The following C2CD5 variants were observed in gnomAD, a reference collection of about 807,000 sequenced individuals.
C2CD5 encodes C2 calcium dependent domain containing 5.
In C2CD5, 109 loss-of-function variants were observed where a neutral mutation model predicts 130.3. That is an observed-to-expected ratio of 0.84 (90% CI 0.72 to 0.98). C2CD5 has a LOEUF of 0.98. C2CD5 is among the 50% of genes least tolerant of loss of function. The pLI is 0.00. For synonymous variants in C2CD5, 454 were observed against 429.2 expected, an observed-to-expected ratio of 1.06 and a Z score of -0.71; for missense variants, 996 against 1,261.8, an observed-to-expected ratio of 0.79 and a Z score of 3.19.
chr12:22,484,123 T>G (rs1254033108), intron 13 of C2CD5, among the ~76,000 whole-genome samples: 1 of 152,066 alleles, frequency 6.6e-6, no homozygotes. Flanking sequence ...ACATAGAAGG[T>G]GTAGCATCAT....
rs1031829429 is a variant in C2CD5, at chr12:22,535,206, A to T, written c.177+52T>A. The T allele has an allele frequency of 4.3e-6, 4 of 937,936 alleles. No homozygotes were observed. In the Admixed American group the frequency reaches 7.2e-5, roughly 17 times the overall value. 58.1% of individuals were successfully genotyped at this position (937,936 alleles called of 1,614,324 possible). ...AAGGTTCTCATTATTCCTGAGGGAA[A>T]AGAGTCACCTCAAAAAAATACACTC... On this transcript the variant is annotated intron_variant, in intron 3 of 26. Transcript: ENST00000446597.
chr12:22,538,439 A>G (rs1952028084), intron 2 of C2CD5, among the ~76,000 whole-genome samples: 1 of 152,196 alleles, frequency 6.6e-6, no homozygotes, highest in African/African-American at 2.4e-5. Context: ...TTGGTAAAGT[A>G]TATCAGCCAA....
At chr12:22,455,037 G>A (rs930439733) in intron 25 of C2CD5, among the ~76,000 whole-genome samples, 1 of 152,132 alleles carries the variant, frequency 6.6e-6, no homozygotes, top group Non-Finnish European at 1.5e-5. Context: ...AGTCTAGGAG[G>A]AAATTTCCAA....
chr12:22,454,893 T>C (rs1052485030), intron 25 of C2CD5, among the ~76,000 whole-genome samples: 3 of 152,202 alleles, frequency 2.0e-5, no homozygotes, highest in African/African-American at 7.2e-5. Flanking sequence ...TATATAATTG[T>C]AAGGAAATAA....
intron 26 of C2CD5, among the ~76,000 whole-genome samples, chr12:22,451,459 GA>G (rs994438208): frequency 2.0e-5 from 3 of 152,194 alleles, no homozygotes; most frequent in Admixed American, 1.3e-4. Context: ...AAAAGTGGGG[GA>G]AAAAGCTAAT....
chr12:22,451,869 T>C (rs1361073048), intron 26 of C2CD5, among the ~76,000 whole-genome samples: 1 of 152,244 alleles, frequency 6.6e-6, no homozygotes, highest in East Asian at 1.9e-4. Flanking sequence ...AAGAAATCAT[T>C]GAAGACAAAC....
chr12:22,512,059 C>T (rs1949253227), intron 9 of C2CD5, among the ~76,000 whole-genome samples: 1 of 152,114 alleles, frequency 6.6e-6, no homozygotes, highest in South Asian at 2.1e-4. Context: ...CTTTTGGTGG[C>T]AGTTGTAGGT....
At chr12:22,533,427 C>CTTG (rs1387481111) in intron 3 of C2CD5, among the ~76,000 whole-genome samples, 1 of 152,184 alleles carries the variant, frequency 6.6e-6, no homozygotes, top group Non-Finnish European at 1.5e-5. Context: ...TGTATGTCAT[C>CTTG]TTGTTGTTCT....
chr12:22,524,672 C>T (rs775998011), intron 5 of C2CD5, 45 bp from the exon 6 acceptor site: 1 of 1,501,660 alleles, frequency 6.7e-7, no homozygotes, highest in Non-Finnish European at 9.2e-7. Context: ...AAAGGTAAAA[C>T]TCAATTTTTA....
intron 4 of C2CD5, 78 bp downstream of exon 4, chr12:22,527,643 A>C: frequency 4.6e-6 from 4 of 872,896 alleles, no homozygotes; most frequent in Non-Finnish European, 6.8e-6. Flanking sequence ...TAAACCAGCA[A>C]ATATAGCACA....
intron 7 of C2CD5, 43 bp downstream of exon 7, chr12:22,523,383 G>T (rs200383433): frequency 6.8e-7 from 1 of 1,478,002 alleles, no homozygotes; most frequent in East Asian, 2.3e-5. Context: ...ATAGATAAAA[G>T]ATAAAAATCT....
chr12:22,499,867 T>C (rs1947528653), intron 10 of C2CD5, among the ~76,000 whole-genome samples: 1 of 152,160 alleles, frequency 6.6e-6, no homozygotes, highest in South Asian at 2.1e-4. Context: ...AATTCTAATA[T>C]TGAGTTCCCT....
intron 3 of C2CD5, among the ~76,000 whole-genome samples, chr12:22,528,536 T>C (rs1045938717): frequency 2.7e-4 from 41 of 152,308 alleles, no homozygotes; most frequent in African/African-American, 9.6e-4. Flanking sequence ...CTTCTGGATA[T>C]CATGCCATTA....
intron 3 of C2CD5, among the ~76,000 whole-genome samples, chr12:22,530,111 T>TATATACACAC (rs1301636778): frequency 8.0e-5 from 7 of 87,552 alleles, no homozygotes; most frequent in African/African-American, 2.5e-4. Context: ...TATATATATA[T>TATATACACAC]ACACACACAC....
At chr12:22,461,195 A>ATCTTTGC (rs1941078779) in intron 22 of C2CD5, among the ~76,000 whole-genome samples, 1 of 152,200 alleles carries the variant, frequency 6.6e-6, no homozygotes, top group Admixed American at 6.5e-5. Context: ...CTGGGACACC[A>ATCTTTGC]ACTGTCCTAC....
chr12:22,482,692 G>A lies in C2CD5; in HGVS notation c.1602C>T (p.Ile534=). The change falls in exon 14 of 27, where the codon ATC becomes ATT. Residue 534 remains isoleucine, a synonymous_variant. Transcript: ENST00000446597. ...KAQAEANATA[I]SNLLPFMEYE... ...ATTCCATAAATGGCAAGAGATTACT[G>A]ATAGCTGTAGCATTTGCTTCTGCCT... 1.2e-6 allele frequency: 2 copies of A among 1,613,452 alleles called. No homozygotes were observed. The highest frequency in any genetic ancestry group is 1.7e-6 in the Non-Finnish European group (2 of 1,179,516).
intron 3 of C2CD5, 28 bp downstream of exon 3, chr12:22,535,230 T>C (rs551323425): frequency 5.4e-6 from 7 of 1,285,668 alleles, no homozygotes; most frequent in African/African-American, 1.5e-5. Context: ...AAAAATACAC[T>C]CAAAAATGCT....
intron 3 of C2CD5, 150 bp from the exon 4 acceptor site, chr12:22,528,042 C>T: frequency 8.6e-6 from 4 of 463,204 alleles, no homozygotes; most frequent in Non-Finnish European, 3.7e-6. Flanking sequence ...AATTAACACA[C>T]AAAAAGATAT....
chr12:22,483,643 T>C (rs1472368237), intron 13 of C2CD5, among the ~76,000 whole-genome samples: 2 of 151,918 alleles, frequency 1.3e-5, no homozygotes, highest in Admixed American at 6.6e-5. Context: ...CAATCCCAAA[T>C]GGAAGGTCTA....
Sources: gnomAD v4.1 joint callset for allele counts (sites outside exome capture counted in the v4.1 genomes callset) on GRCh38, gnomAD v4.1.1 for gene constraint, MANE v1.5 for transcripts, NCBI Gene and HGNC (gene_info 2026-07-23, HGNC 2026-07-21) for gene names.